Variants in COL11A1 observed in about 807,000 individuals in gnomAD.
COL11A1 encodes collagen type XI alpha 1 chain.
In COL11A1, 74 loss-of-function variants were observed where a neutral mutation model predicts 265.2. The ratio of observed to expected loss-of-function variants is 0.28; its 90% CI spans 0.23 to 0.34. The LOEUF (loss-of-function observed/expected upper bound fraction) is 0.34. Among genes scored for constraint, COL11A1 ranks in the 10% least tolerant of loss-of-function variants. The pLI, the probability that COL11A1 is intolerant of heterozygous loss-of-function variation, is 1.00. For missense variants in COL11A1, 2,165 were observed against 2,263.6 expected, an observed-to-expected ratio of 0.96 and a Z score of 0.88; for synonymous variants, 816 against 727.6, an observed-to-expected ratio of 1.12 and a Z score of -1.96.
chr1:103,022,722 A>C lies in COL11A1; in HGVS notation c.1245+20T>G. Reference sequence around the variant, plus strand: ...CCATAAATAAGACATACAATGACACAGTGCATAGTATCAACTTACGCTTGT... The same window carrying C: ...CCATAAATAAGACATACAATGACACCGTGCATAGTATCAACTTACGCTTGT... On this transcript the variant is annotated intron_variant, in intron 8 of 66. Transcript: ENST00000370096. 6.2e-7 allele frequency: 1 copy of C among 1,612,638 alleles called. No individual in the cohort carries two copies. Among genetic ancestry groups the C allele is most frequent in the Middle Eastern group, 1.7e-4 (1 of 6,052 alleles).
intron 38 of COL11A1, among the ~76,000 whole-genome samples, chr1:102,964,724 AT>A (rs1453925702): frequency 6.6e-6 from 1 of 152,048 alleles, no homozygotes; most frequent in African/African-American, 2.4e-5. Context: ...CAATTAAATA[AT>A]TAAAATACGT....
At chr1:102,955,759 ATC>A (rs1432813439) in intron 41 of COL11A1, among the ~76,000 whole-genome samples, 11 of 152,176 alleles carry the variant, frequency 7.2e-5, no homozygotes, top group Non-Finnish European at 1.3e-4. Context: ...ATTTACATAT[ATC>A]TGTTTACATA....
At chr1:102,996,350 T>G (rs1009803459) in intron 26 of COL11A1, among the ~76,000 whole-genome samples, 1 of 152,032 alleles carries the variant, frequency 6.6e-6, no homozygotes, top group Non-Finnish European at 1.5e-5. Flanking sequence ...AATTAATAAC[T>G]AGATTTTTAA....
chr1:102,911,237 T>C (rs575215222), intron 54 of COL11A1, among the ~76,000 whole-genome samples: 18 of 152,272 alleles, frequency 1.2e-4, no homozygotes, highest in Non-Finnish European at 2.6e-4. Context: ...ATAAATTAAA[T>C]ATATTTTTGG....
At chr1:103,106,636 G>T (rs1226847828) in intron 1 of COL11A1, among the ~76,000 whole-genome samples, 1 of 152,162 alleles carries the variant, frequency 6.6e-6, no homozygotes, top group East Asian at 1.9e-4. Flanking sequence ...ATGTGGAAAT[G>T]AATGAATCAA....
chr1:102,991,114 T>A (rs1206553464), intron 28 of COL11A1, among the ~76,000 whole-genome samples: 1 of 151,744 alleles, frequency 6.6e-6, no homozygotes, highest in African/African-American at 2.4e-5. Context: ...GTAGAAAGGG[T>A]GTCTGGAGAA....
chr1:103,062,017 C>T (rs951380452), intron 4 of COL11A1, among the ~76,000 whole-genome samples: 1 of 151,786 alleles, frequency 6.6e-6, no homozygotes, highest in African/African-American at 2.4e-5. Context: ...ACCACAGATC[C>T]CATGGACATT....
chr1:103,004,415 T>TA (rs1557932412), intron 20 of COL11A1, 29 bp downstream of exon 20: 1 of 1,565,000 alleles, frequency 6.4e-7, no homozygotes. Flanking sequence ...CTAGAAATAT[T>TA]ACTTAAAAAT....
intron 64 of COL11A1, among the ~76,000 whole-genome samples, chr1:102,882,025 A>G (rs969043736): frequency 6.6e-6 from 1 of 152,160 alleles, no homozygotes; most frequent in African/African-American, 2.4e-5. Flanking sequence ...GGGGAAAGAC[A>G]ACCGGGTATA....
At chr1:102,950,741 A>G (rs780984147) in intron 41 of COL11A1, among the ~76,000 whole-genome samples, 20 of 152,174 alleles carry the variant, frequency 1.3e-4, no homozygotes, top group Non-Finnish European at 2.4e-4. Flanking sequence ...GACCCAGGTC[A>G]ATAACCATCT....
chr1:103,008,363 C>T (rs1047705620), intron 15 of COL11A1, 100 bp downstream of exon 15: 6 of 949,800 alleles, frequency 6.3e-6, no homozygotes, highest in East Asian at 2.6e-5. Flanking sequence ...GAATACTACT[C>T]AGGAACAAAA....
chr1:103,076,015 C>A (rs1023743755), intron 3 of COL11A1, among the ~76,000 whole-genome samples: 5 of 152,032 alleles, frequency 3.3e-5, no homozygotes, highest in African/African-American at 1.2e-4. Flanking sequence ...TAGGTATGTG[C>A]TTTTCATTAA....
chr1:102,998,699 C>T (rs980239976), intron 24 of COL11A1, among the ~76,000 whole-genome samples: 2 of 151,644 alleles, frequency 1.3e-5, no homozygotes, highest in African/African-American at 4.8e-5. Context: ...TATATTGATT[C>T]ATATCATTAA....
intron 1 of COL11A1, among the ~76,000 whole-genome samples, chr1:103,098,433 A>G (rs948867816): frequency 6.6e-6 from 1 of 151,920 alleles, no homozygotes; most frequent in Non-Finnish European, 1.5e-5. Context: ...ATGAAACTTT[A>G]TAAAGCATCT....
chr1:103,012,040 T>A (rs1304686674), intron 14 of COL11A1, among the ~76,000 whole-genome samples: 3 of 152,204 alleles, frequency 2.0e-5, no homozygotes, highest in African/African-American at 7.2e-5. Flanking sequence ...TGGCCTCAAA[T>A]AAATTTTTCT....
chr1:102,999,864 T>C (rs1177492805), intron 24 of COL11A1, among the ~76,000 whole-genome samples: 1 of 151,900 alleles, frequency 6.6e-6, no homozygotes, highest in Non-Finnish European at 1.5e-5. Context: ...TTTTTTAATA[T>C]AGATGTAATA....
intron 35 of COL11A1, among the ~76,000 whole-genome samples, chr1:102,976,380 C>T (rs920108597): frequency 2.2e-5 from 3 of 138,450 alleles, no homozygotes; most frequent in African/African-American, 7.7e-5. Flanking sequence ...CTCACTGCAA[C>T]CTCCGCCTCC....
In COL11A1 at chr1:102,935,099, G is replaced by A. The variant is rs2101222515; in HGVS notation, c.3453C>T (p.Pro1151=). Residue 1151 remains proline (P), a synonymous_variant, in exon 45 of 67, where the codon CCC becomes CCT. Coordinates refer to ENST00000370096, the MANE Select transcript of COL11A1 (RefSeq NM_001854.4). ...GDKGENGPPG[P]PGLQGPVGAP... ...CACCAACTGGTCCTTGAAGACCTGG[G>A]GGACCGGGAGGGCCCTGCAGTGAGA... 1.9e-6 allele frequency: 3 copies of A among 1,613,992 alleles called. No homozygotes were observed. Among genetic ancestry groups the A allele is most frequent in the Non-Finnish European group, 2.5e-6 (3 of 1,179,940 alleles).
In COL11A1 at chr1:102,979,435, C is replaced by T. The variant is rs1271577403; in HGVS notation, c.2557G>A (p.Gly853Ser). ...PGYPGRQGPK[G>S]STGFPGFPGA... The stretch of plus-strand genomic sequence containing the variant: ...GGAAACCCAGGGAATCCAGTGGAAC[C>T]CTACAATAATAAAAGTAAATAATGA... Residue 853 changes from glycine (G) to serine (S), a missense_variant and splice_region_variant, in exon 32 of 67, where the codon GGT (glycine) becomes AGT (serine). Physicochemically the swap from Gly to Ser is moderately conservative, Grantham distance 56. Transcript: ENST00000370096. 1 of 1,597,464 alleles carries T rather than the reference C, an allele frequency of 6.3e-7. No individual in the cohort carries two copies. Among genetic ancestry groups the T allele is most frequent in the Non-Finnish European group, 8.6e-7 (1 of 1,165,112 alleles).
Sources: gnomAD v4.1 joint callset for allele counts (sites outside exome capture counted in the v4.1 genomes callset) on GRCh38, gnomAD v4.1.1 for gene constraint, MANE v1.5 for transcripts, NCBI Gene and HGNC (gene_info 2026-07-23, HGNC 2026-07-21) for gene names.